The following ARHGAP17 variants were observed in gnomAD, a reference collection of about 807,000 sequenced individuals.
The protein encoded by ARHGAP17 is rho GTPase-activating protein 17.
A neutral mutation model predicts 99.5 loss-of-function variants in ARHGAP17; 57 were observed. That is an observed-to-expected ratio of 0.57 (90% CI 0.46 to 0.71). ARHGAP17 has a LOEUF of 0.71. Among genes scored for constraint, ARHGAP17 ranks in the 30% least tolerant of loss-of-function variants. The pLI, the probability that ARHGAP17 is intolerant of heterozygous loss-of-function variation, is 0.00. For missense variants in ARHGAP17, 1,000 were observed against 1,122.4 expected (o/e 0.89, Z 1.56); for synonymous variants, 417 against 429.6 (o/e 0.97, Z 0.36).
intron 1 of ARHGAP17, among the ~76,000 whole-genome samples, chr16:24,996,719 G>T (rs2141456703): frequency 6.6e-6 from 1 of 152,198 alleles, no homozygotes; most frequent in Non-Finnish European, 1.5e-5. Context: ...TAAAAATGGA[G>T]ATATTAAGAA....
chr16:24,965,249 T>C (rs2052141873), intron 6 of ARHGAP17, among the ~76,000 whole-genome samples: 1 of 152,146 alleles, frequency 6.6e-6, no homozygotes, highest in Admixed American at 6.5e-5. Context: ...GGTGGGCGGA[T>C]CATGAGGTCA....
At position 24,955,568 on chromosome 16, in the gene ARHGAP17, C is replaced by G. The variant is rs1231687293; in HGVS notation, c.725-838G>C. On this transcript the variant is annotated intron_variant, in intron 9 of 19. Coordinates refer to ENST00000289968, the MANE Select transcript of ARHGAP17 (RefSeq NM_001006634.3). The surrounding 1 kb of genome is among the most constrained non-coding windows in gnomAD (Gnocchi z 4.0). ...GAGATCTAGTGCTATCTGAGCAGCT[C>G]GCAGAAGCAAAGGAGGGCAAACCAG... is the stretch of plus-strand genomic sequence containing the variant. 6.6e-6 allele frequency: 1 copy of G among 152,176 alleles called. No homozygotes were observed. The highest frequency in any genetic ancestry group is 1.5e-5 in the Non-Finnish European group (1 of 68,034). The allele number at this position is 152,176 out of a possible 1,614,324, so 9.4% of individuals were successfully genotyped here.
At chr16:24,954,519 CA>C (rs995057066) in intron 10 of ARHGAP17, 83 bp downstream of exon 10, 6 of 1,520,072 alleles carry the variant, frequency 3.9e-6, no homozygotes, top group Non-Finnish European at 5.3e-6. Context: ...CAGGGGTGGA[CA>C]GGGGGCTGGC....
intron 1 of ARHGAP17, among the ~76,000 whole-genome samples, chr16:24,987,990 A>G (rs2052925456): frequency 6.6e-6 from 1 of 152,164 alleles, no homozygotes; most frequent in South Asian, 2.1e-4. Context: ...TACAGAGCCC[A>G]CCCAGGGCTA....
chr16:24,928,437 A>T (rs757098039), intron 19 of ARHGAP17, among the ~76,000 whole-genome samples: 1 of 152,254 alleles, frequency 6.6e-6, no homozygotes, highest in Admixed American at 6.5e-5. Flanking sequence ...GTGTTGTAGC[A>T]GATCAGTAAA....
In ARHGAP17 at chr16:24,944,105, T is replaced by C. The variant is rs565291695; in HGVS notation, c.1242-243A>G. Among the ~76,000 whole-genome samples the C allele has an allele frequency of 5.1e-4, 77 of 152,006 alleles. 2 individuals carry two copies. The highest frequency in any genetic ancestry group is 1.7e-3 in the African/African-American group (70 of 41,484). ...GGCCAACATGGTGAAACCCCGTCTG[T>C]ACTAAAAATACAAAAATTAGCCAGG... On this transcript the variant is annotated intron_variant, in intron 14 of 19. Transcript: ENST00000289968.
intron 9 of ARHGAP17, 93 bp downstream of exon 9, chr16:24,959,578 G>GCTTTATCCTCCTAGGCAGA (rs1219006780): frequency 5.7e-5 from 68 of 1,194,900 alleles, no homozygotes; most frequent in Non-Finnish European, 8.0e-5. Flanking sequence ...TTTATCCCAA[G>GCTTTATCCTCCTAGGCAGA]GACGTGCATG....
intron 17 of ARHGAP17, chr16:24,936,281 A>C (rs1359509930): frequency 1.3e-5 from 2 of 155,672 alleles, no homozygotes; most frequent in Non-Finnish European, 2.9e-5. Context: ...TAGAGATCAG[A>C]ATTCAGGCTT....
intron 16 of ARHGAP17, among the ~76,000 whole-genome samples, chr16:24,941,348 G>C (rs1567217770): frequency 6.6e-6 from 1 of 152,210 alleles, no homozygotes; most frequent in Non-Finnish European, 1.5e-5. Context: ...ACATGGGACA[G>C]GTTGGCATCC....
intron 19 of ARHGAP17, among the ~76,000 whole-genome samples, chr16:24,928,704 T>C (rs944785106): frequency 3.3e-5 from 5 of 152,168 alleles, no homozygotes; most frequent in Admixed American, 1.3e-4. Flanking sequence ...GGGCCCACAG[T>C]AGGCCTAAGG....
At chr16:24,987,827 A>G (rs1389762122) in intron 1 of ARHGAP17, among the ~76,000 whole-genome samples, 1 of 152,236 alleles carries the variant, frequency 6.6e-6, no homozygotes, top group Non-Finnish European at 1.5e-5. Flanking sequence ...ATTTTTAATG[A>G]GCTCATTTTC....
At chr16:24,934,059 C>A (rs970769962) in intron 18 of ARHGAP17, among the ~76,000 whole-genome samples, 1 of 152,186 alleles carries the variant, frequency 6.6e-6, no homozygotes, top group Non-Finnish European at 1.5e-5. Context: ...GCAGTGGACT[C>A]GGATTTGCCT....
chr16:24,937,090 G>A (rs113197228), intron 17 of ARHGAP17, among the ~76,000 whole-genome samples: 5,796 of 150,606 alleles, frequency 0.038, 297 homozygotes, highest in African/African-American at 0.12. Flanking sequence ...GCCCTCCAGC[G>A]TGGGTGACAG....
At chr16:24,944,196 G>A (rs768522221) in intron 14 of ARHGAP17, among the ~76,000 whole-genome samples, 9 of 151,542 alleles carry the variant, frequency 5.9e-5, no homozygotes, top group Non-Finnish European at 7.4e-5. Context: ...GCTTGAACCC[G>A]GAAGATGGAG....
chr16:25,009,472 C>T (rs778686156), intron 1 of ARHGAP17, among the ~76,000 whole-genome samples: 1 of 151,768 alleles, frequency 6.6e-6, no homozygotes, highest in Non-Finnish European at 1.5e-5. Context: ...CTGCTGGCAA[C>T]GTAAGGATAA....
chr16:24,943,570 T>C (rs2051376208), intron 15 of ARHGAP17, among the ~76,000 whole-genome samples: 1 of 152,190 alleles, frequency 6.6e-6, no homozygotes, highest in Admixed American at 6.5e-5. Flanking sequence ...TATGTTTTAG[T>C]GAAACTAAGT....
chr16:24,961,911 T>TTATATA (rs67952203), intron 7 of ARHGAP17, among the ~76,000 whole-genome samples: 168 of 130,000 alleles, frequency 1.3e-3, no homozygotes, highest in Admixed American at 2.3e-3. Flanking sequence ...CATAGGAATT[T>TTATATA]TATATATATA....
At chr16:25,001,323 C>T (rs1263538835) in intron 1 of ARHGAP17, among the ~76,000 whole-genome samples, 2 of 152,146 alleles carry the variant, frequency 1.3e-5, no homozygotes, top group Admixed American at 1.3e-4. Flanking sequence ...ATGTGCAATG[C>T]TCATCTTGTA....
rs568300468 is a variant in ARHGAP17, at chr16:24,955,653, G to A, written c.725-923C>T. On this transcript the variant is annotated intron_variant, in intron 9 of 19. Coordinates refer to ENST00000289968, the MANE Select transcript of ARHGAP17 (RefSeq NM_001006634.3). The surrounding 1 kb of genome is among the most constrained non-coding windows in gnomAD (Gnocchi z 4.0). The stretch of plus-strand genomic sequence containing the variant: ...CTTTCCAACAACAGGAAGGGTTCAT[G>A]TCCTTCTCTGCACCTTTACTGGCCA... 1.3e-5 allele frequency: 2 copies of A among 152,364 alleles called. No homozygotes were observed. The highest frequency in any genetic ancestry group is 4.8e-5 in the African/African-American group (2 of 41,576). 9.4% of individuals were successfully genotyped at this position (152,364 alleles called of 1,614,324 possible).
Sources: gnomAD v4.1 joint callset for allele counts (sites outside exome capture counted in the v4.1 genomes callset) on GRCh38, gnomAD v4.1.1 for gene constraint, Gnocchi (gnomAD v3.1) non-coding constraint, MANE v1.5 for transcripts, NCBI Gene and HGNC (gene_info 2026-07-23, HGNC 2026-07-21) for gene names.